SIGLEC10: variants seen among roughly 807,000 people sequenced by gnomAD.
SIGLEC10 encodes the protein sialic acid-binding Ig-like lectin 10.
SIGLEC10 carries 45 observed loss-of-function variants against 68.3 expected under a neutral mutation model. The ratio of observed to expected loss-of-function variants is 0.66; its 90% CI spans 0.52 to 0.84. The LOEUF (loss-of-function observed/expected upper bound fraction) is 0.84. SIGLEC10 is among the 40% of genes least tolerant of loss of function. The pLI is 0.00. For synonymous variants in SIGLEC10, 379 were observed against 370.8 expected (o/e 1.02, Z -0.26); for missense variants, 789 against 883.1 (o/e 0.89, Z 1.35).
Position 51,416,225 on chromosome 19 carries a change from A to G in SIGLEC10, c.755-58T>C. The G allele has an allele frequency of 1.9e-6, 3 of 1,611,030 alleles. 1 individual carries two copies. In the South Asian group the frequency reaches 3.3e-5, roughly 18 times the overall value. On this transcript the variant is annotated intron_variant, in intron 4 of 10. Coordinates refer to ENST00000339313, the MANE Select transcript of SIGLEC10 (RefSeq NM_033130.5). ...AGGGAGGGAGAAAGAGAGAAGGGGTACAGGGAGGAGCACATCCCCTCATCC... is the reference window on the plus strand; with the variant it reads ...AGGGAGGGAGAAAGAGAGAAGGGGTGCAGGGAGGAGCACATCCCCTCATCC...
rs1343160025 is a variant in SIGLEC10 at position 51,410,795 on chromosome 19, C to T, written c.*304G>A. The stretch of plus-strand genomic sequence containing the variant: ...TCCCAAGTAGGTAGGATTACAGGCG[C>T]CTGCCACCATGCCCAGCTAATTTTT... On this transcript the variant is annotated 3_prime_UTR_variant, in exon 11 of 11. Coordinates refer to ENST00000339313, the MANE Select transcript of SIGLEC10 (RefSeq NM_033130.5). 4 of 235,820 alleles carry T rather than the reference C, an allele frequency of 1.7e-5. No individual in the cohort carries two copies. The highest frequency in any genetic ancestry group is 1.6e-4 in the South Asian group (2 of 12,504). The allele number at this position is 235,820 out of a possible 1,614,324, so 14.6% of individuals were successfully genotyped here. A position where few individuals can be genotyped will look rare whatever the true frequency, so the allele number is the denominator to read the frequency against.
Position 51,417,152 on chromosome 19 carries a change from G to T in SIGLEC10, c.351C>A (p.Phe117Leu), listed in dbSNP as rs767861638. The T allele has an allele frequency of 6.2e-7, 1 of 1,614,080 alleles. No individual in the cohort carries two copies. Among genetic ancestry groups the T allele is most frequent in the Non-Finnish European group, 8.5e-7 (1 of 1,180,032 alleles). ...DAQMQDESQYFFRVERGSYVR... is the reference protein window; with the variant it reads ...DAQMQDESQYLFRVERGSYVR... ...CATAGCTTCCTCTCTCCACCCGAAA[G>T]AAGTACTGTGACTCATCCTGCATCT... Residue 117 changes from phenylalanine to leucine, a missense_variant, in exon 2 of 11, where the codon TTC (phenylalanine) becomes TTA (leucine). By Grantham distance (22) the Phe-to-Leu change is conservative. Coordinates refer to ENST00000339313, the MANE Select transcript of SIGLEC10 (RefSeq NM_033130.5).
intron 10 of SIGLEC10, among the ~76,000 whole-genome samples, chr19:51,412,071 G>A (rs1367213249): frequency 6.6e-6 from 1 of 152,008 alleles, no homozygotes; most frequent in Non-Finnish European, 1.5e-5. Flanking sequence ...TGAACCAGGA[G>A]GTGGAGGTTG....
At chr19:51,415,868 G>A in intron 5 of SIGLEC10, 30 bp downstream of exon 5, 1 of 1,611,798 alleles carries the variant, frequency 6.2e-7, no homozygotes, top group Non-Finnish European at 8.5e-7. Context: ...CCCTCCCAAT[G>A]GACTCCAGGC....
At position 51,414,559 on chromosome 19, in the gene SIGLEC10, G is replaced by A; in HGVS notation, c.1616-44C>T. The A allele has an allele frequency of 1.3e-6, 2 of 1,578,366 alleles. No homozygotes were observed. The highest frequency in any genetic ancestry group is 1.7e-4 in the Middle Eastern group (1 of 5,992). ...AGGTGAGCATTTCCCATCCACGCAGGGCTCACGAAGCCCGCTCATCACTCG... is the reference window on the plus strand; with the variant it reads ...AGGTGAGCATTTCCCATCCACGCAGAGCTCACGAAGCCCGCTCATCACTCG... On this transcript the variant is annotated intron_variant, in intron 8 of 10. Coordinates refer to ENST00000339313, the MANE Select transcript of SIGLEC10 (RefSeq NM_033130.5). The surrounding 1 kb of genome is among the most constrained non-coding windows in gnomAD (Gnocchi z 4.1).
At position 51,414,462 on chromosome 19, in the gene SIGLEC10, C is replaced by T. The variant is rs553002793; in HGVS notation, c.1669G>A (p.Gly557Ser). Residue 557 changes from glycine to serine, a missense_variant, in exon 9 of 11, where the codon GGC (glycine) becomes AGC (serine). Physicochemically the swap from Gly to Ser is moderately conservative, Grantham distance 56. Coordinates refer to ENST00000339313, the MANE Select transcript of SIGLEC10 (RefSeq NM_033130.5). This position sits in a 1 kb window ranked among gnomAD's most constrained non-coding sequence, Gnocchi z 4.1. ...CAGAGGAAAAGAAGAGCCGTGATGC[C>T]GATTCCCAGAAACGCTCCGTTGGAG... is the stretch of plus-strand genomic sequence containing the variant. The part of the protein sequence containing the change: ...AFSNGAFLGI[G>S]ITALLFLCLA... 1.7e-5 allele frequency: 28 copies of T among 1,614,022 alleles called. No homozygotes were observed. Among genetic ancestry groups the T allele is most frequent in the South Asian group, 1.4e-4 (13 of 91,042 alleles).
At position 51,414,695 on chromosome 19, in the gene SIGLEC10, T is replaced by C. The variant is rs1988397812; in HGVS notation, c.1615+129A>G. ...AGGTGTTAGGACTTCCCATTGTGTT[T>C]TCCTGTCTACATACAGATGCCACGG... On this transcript the variant is annotated intron_variant, in intron 8 of 10. Transcript: ENST00000339313. This position sits in a 1 kb window ranked among gnomAD's most constrained non-coding sequence, Gnocchi z 4.1. 2.0e-6 allele frequency: 3 copies of C among 1,484,270 alleles called. No homozygotes were observed. Among genetic ancestry groups the C allele is most frequent in the African/African-American group, 2.8e-5 (2 of 70,980 alleles). The allele number at this position is 1,484,270 out of a possible 1,614,324, so 91.9% of individuals were successfully genotyped here. A position where few individuals can be genotyped will look rare whatever the true frequency, so the allele number is the denominator to read the frequency against.
At chr19:51,415,647 G>A (rs112905231) in intron 5 of SIGLEC10, 32 bp from the exon 6 acceptor site, 203,529 of 1,612,488 alleles carry the variant, frequency 0.13, 13,580 homozygotes, top group African/African-American at 0.18. Context: ...GGCTCTAGAC[G>A]GACCAGGGGC....
Position 51,417,272 on chromosome 19 carries a change from G to C in SIGLEC10, c.231C>G (p.His77Gln). ...TTKGAPVATN[H>Q]QSREVEMSTR... Reference sequence around the variant, plus strand: ...TGCTCATTTCCACCTCTCGACTCTGGTGGTTTGTGGCCACAGGAGCACCCT... The same window carrying C: ...TGCTCATTTCCACCTCTCGACTCTGCTGGTTTGTGGCCACAGGAGCACCCT... The change falls in exon 2 of 11, where the codon CAC becomes CAG. Residue 77 changes from histidine (H) to glutamine (Q), a missense_variant. Coordinates refer to ENST00000339313, the MANE Select transcript of SIGLEC10 (RefSeq NM_033130.5). 6.2e-7 allele frequency: 1 copy of C among 1,614,204 alleles called. No individual in the cohort carries two copies. The highest frequency in any genetic ancestry group is 8.5e-7 in the Non-Finnish European group (1 of 1,180,028).
rs774994344 is a variant in SIGLEC10 at position 51,417,147 on chromosome 19, C to T, written c.356G>A (p.Arg119Gln). 4 of 1,614,186 alleles carry T rather than the reference C, an allele frequency of 2.5e-6. No homozygotes were observed. Among genetic ancestry groups the T allele is most frequent in the South Asian group, 1.1e-5 (1 of 91,084 alleles). Residue 119 changes from arginine to glutamine, a missense_variant, in exon 2 of 11, where the codon CGG (arginine) becomes CAG (glutamine). Arg to Gln is a conservative substitution (Grantham distance 43, BLOSUM62 1). Coordinates refer to ENST00000339313, the MANE Select transcript of SIGLEC10 (RefSeq NM_033130.5). ...QMQDESQYFF[R>Q]VERGSYVRYN... ...TCTCACATAGCTTCCTCTCTCCACC[C>T]GAAAGAAGTACTGTGACTCATCCTG...
In SIGLEC10 at chr19:51,416,147, C is replaced by CCTGGGG. The variant is rs1988613809; in HGVS notation, c.769_774dup (p.Pro257_Gln258dup). 2 of 1,609,946 alleles carry CCTGGGG rather than the reference C, an allele frequency of 1.2e-6. No homozygotes were observed. The highest frequency in any genetic ancestry group is 1.7e-6 in the Non-Finnish European group (2 of 1,178,090). On this transcript the variant is annotated inframe_insertion, in exon 5 of 11. Coordinates refer to ENST00000339313, the MANE Select transcript of SIGLEC10 (RefSeq NM_033130.5). ...TGGGCTTCCAGGTATGGGACATTTC[C>CCTGGGG]CTGGGGCTGGGGCTCCAGGGCTGGA... is the stretch of plus-strand genomic sequence containing the variant.
chr19:51,415,309 G>A lies in SIGLEC10; in HGVS notation c.1202C>T (p.Pro401Leu). 1 of 1,614,010 alleles carries A rather than the reference G, an allele frequency of 6.2e-7. No individual in the cohort carries two copies. ...SWTQRGQVLSPSQPSDPGVLE... is the reference protein window; with the variant it reads ...SWTQRGQVLSLSQPSDPGVLE... ...GACCCCGGGGTCTGAGGGCTGGGAG[G>A]GGCTCAGAACCTGTCCCCTCTGGGT... Residue 401 changes from proline (P) to leucine (L), a missense_variant, in exon 7 of 11, where the codon CCC (proline) becomes CTC (leucine). By Grantham distance (98) the Pro-to-Leu change is moderately conservative (BLOSUM62 -3). Transcript: ENST00000339313.
rs1988690075 is a variant in SIGLEC10 at position 51,416,573 on chromosome 19, T to G, written c.706+93A>C. 6 of 1,588,856 alleles carry G rather than the reference T, an allele frequency of 3.8e-6. No homozygotes were observed. The East Asian group carries it at 1.1e-4, about 30-fold the overall frequency. On this transcript the variant is annotated intron_variant, in intron 3 of 10. Transcript: ENST00000339313. ...ACAGCTTCCTCTCCCTGGATGCTCCTGAGCTGGGAGCCGCTCACTGTCCCA... is the reference window on the plus strand; with the variant it reads ...ACAGCTTCCTCTCCCTGGATGCTCCGGAGCTGGGAGCCGCTCACTGTCCCA...
chr19:51,414,649 AACCCTGCCAC>A lies in SIGLEC10; in HGVS notation c.1616-144_1616-135del. 7.3e-7 allele frequency: 1 copy of A among 1,364,582 alleles called. No individual in the cohort carries two copies. The highest frequency in any genetic ancestry group is 1.5e-5 in the African/African-American group (1 of 68,700). 84.5% of individuals were successfully genotyped at this position (1,364,582 alleles called of 1,614,324 possible). ...GCAACCCCTCTGTTTACTTTTAGGA[AACCCTGCCAC>A]ACCCCGGCCCAGGTGTTAGGACTTC... On this transcript the variant is annotated intron_variant, in intron 8 of 10. Transcript: ENST00000339313. The surrounding 1 kb of genome is among the most constrained non-coding windows in gnomAD (Gnocchi z 4.1).
chr19:51,417,512 C>G (rs757954106), intron 1 of SIGLEC10, 33 bp downstream of exon 1: 18 of 1,614,066 alleles, frequency 1.1e-5, no homozygotes, highest in Non-Finnish European at 1.4e-5. Context: ...CCTAGCTCCG[C>G]CCCAGGTCCT....
chr19:51,413,996 AATT>A (rs568980374), intron 9 of SIGLEC10, among the ~76,000 whole-genome samples, 173 bp from the exon 10 acceptor site: 54 of 152,142 alleles, frequency 3.5e-4, no homozygotes, highest in Non-Finnish European at 6.8e-4. Context: ...AGACAAAAGA[AATT>A]ATTTTAAAGG....
rs776706879 is a variant in SIGLEC10 at position 51,416,697 on chromosome 19, G to T, written c.675C>A (p.Ser225Arg). ...CACGGAGTCGGACGGTCCTCTGTGC[G>T]CTCACACCCTTTCTGGAGAAGTCCA... Reference protein sequence around the residue: ...CHVDFSRKGVSAQRTVRLRVA... With the variant: ...CHVDFSRKGVRAQRTVRLRVA... The change falls in exon 3 of 11, where the codon AGC (serine) becomes AGA (arginine). Residue 225 changes from serine to arginine, a missense_variant. By Grantham distance (110) the Ser-to-Arg change is moderately radical. Transcript: ENST00000339313. 2 of 1,614,072 alleles carry T rather than the reference G, an allele frequency of 1.2e-6. No individual in the cohort carries two copies. Among genetic ancestry groups the T allele is most frequent in the African/African-American group, 1.3e-5 (1 of 75,032 alleles).
At position 51,414,351 on chromosome 19, in the gene SIGLEC10, T is replaced by A; in HGVS notation, c.1709+71A>T. On this transcript the variant is annotated intron_variant, in intron 9 of 10. Coordinates refer to ENST00000339313, the MANE Select transcript of SIGLEC10 (RefSeq NM_033130.5). This position sits in a 1 kb window ranked among gnomAD's most constrained non-coding sequence, Gnocchi z 4.1. ...ACTGCGTTGATCACGACCTTCACTC[T>A]TTCGGCCTGCAACACCTCCCCTCTT... 1 of 1,325,860 alleles carries A rather than the reference T, an allele frequency of 7.5e-7. No individual in the cohort carries two copies. Among genetic ancestry groups the A allele is most frequent in the Non-Finnish European group, 1.1e-6 (1 of 931,588 alleles). The allele number at this position is 1,325,860 out of a possible 1,614,324, so 82.1% of individuals were successfully genotyped here. A position where few individuals can be genotyped will look rare whatever the true frequency, so the allele number is the denominator to read the frequency against.
At chr19:51,416,226 C>T in intron 4 of SIGLEC10, 59 bp from the exon 5 acceptor site, 3 of 1,611,170 alleles carry the variant, frequency 1.9e-6, no homozygotes, top group Non-Finnish European at 2.5e-6. Flanking sequence ...AGAAGGGGTA[C>T]AGGGAGGAGC....
Sources: allele counts gnomAD v4.1 joint callset (sites outside exome capture counted in the v4.1 genomes callset), GRCh38; gene constraint gnomAD v4.1.1; non-coding constraint Gnocchi (gnomAD v3.1); transcripts MANE v1.5; gene names NCBI Gene and HGNC (gene_info 2026-07-23, HGNC 2026-07-21).